GALNT13: variants seen among roughly 807,000 people sequenced by gnomAD.
The protein encoded by GALNT13 is polypeptide N-acetylgalactosaminyltransferase 13.
Under a neutral mutation model 64.2 loss-of-function variants are expected in GALNT13, and 28 were observed. The ratio of observed to expected loss-of-function variants is 0.44; its 90% CI spans 0.32 to 0.60. The LOEUF (loss-of-function observed/expected upper bound fraction) is 0.60, where lower values mean the gene tolerates loss of function less well. GALNT13 is among the 20% of genes least tolerant of loss of function. The probability of loss-of-function intolerance (pLI) is 0.05; values close to 1 mark genes in which losing one functional copy is unlikely to be tolerated. For missense variants in GALNT13, 577 were observed against 669.8 expected (o/e 0.86, Z 1.53); for synonymous variants, 214 against 224.6 (o/e 0.95, Z 0.42).
rs1401550811 is a variant in GALNT13, at chr2:154,414,216, T to G, written c.1395+5134T>G. On this transcript the variant is annotated intron_variant, in intron 11 of 12. Coordinates refer to ENST00000392825, the MANE Select transcript of GALNT13 (RefSeq NM_052917.4). ...ATACTAACAAATTGTTCTTTTTTCTTAAGATTTCAGCAAATAAGACTAATA... is the reference window on the plus strand; with the variant it reads ...ATACTAACAAATTGTTCTTTTTTCTGAAGATTTCAGCAAATAAGACTAATA... 2.0e-5 allele frequency among the ~76,000 whole-genome samples: 3 copies of G among 152,074 alleles called. No homozygotes were observed. The South Asian group carries it at 6.2e-4, about 31-fold the overall frequency.
chr2:154,310,940 T>C (rs930783524), intron 9 of GALNT13, among the ~76,000 whole-genome samples: 17 of 65,750 alleles, frequency 2.6e-4, no homozygotes, highest in Non-Finnish European at 4.2e-4. Context: ...TTATTATTAT[T>C]CATATATATT....
At chr2:153,674,744 A>G in the GALNT13 span, among the ~76,000 whole-genome samples, 1 of 152,226 alleles carries the variant, frequency 6.6e-6, no homozygotes, top group Non-Finnish European at 1.5e-5. Flanking sequence ...AAAAGAAACT[A>G]TCATGAGAGT....
intron 11 of GALNT13, among the ~76,000 whole-genome samples, chr2:154,426,976 G>C (rs1248745017): frequency 1.3e-5 from 2 of 152,042 alleles, no homozygotes. Flanking sequence ...TTGTTATTGA[G>C]TCCACAAGAT....
chr2:154,051,012 A>G (rs1356224254), intron 3 of GALNT13, among the ~76,000 whole-genome samples: 2 of 152,220 alleles, frequency 1.3e-5, no homozygotes, highest in African/African-American at 2.4e-5. Context: ...CTGAAATAGA[A>G]AGTCTTCTCG....
At chr2:154,393,194 G>T (rs184024687) in intron 9 of GALNT13, among the ~76,000 whole-genome samples, 2 of 152,296 alleles carry the variant, frequency 1.3e-5, no homozygotes, top group Admixed American at 1.3e-4. Context: ...GAACAAGTAA[G>T]ATTACATATC....
At chr2:153,411,749 G>A in the GALNT13 span, among the ~76,000 whole-genome samples, 1 of 152,212 alleles carries the variant, frequency 6.6e-6, no homozygotes, top group African/African-American at 2.4e-5. Flanking sequence ...CATTAACTCA[G>A]GTTCTGCATA....
At chr2:153,686,683 T>C in the GALNT13 span, among the ~76,000 whole-genome samples, 1 of 152,076 alleles carries the variant, frequency 6.6e-6, no homozygotes, top group Non-Finnish European at 1.5e-5. Context: ...CTATGTTGAA[T>C]AGGAGTGGTG....
At chr2:154,107,940 C>A (rs1243489554) in intron 3 of GALNT13, among the ~76,000 whole-genome samples, 1 of 152,046 alleles carries the variant, frequency 6.6e-6, no homozygotes, top group Non-Finnish European at 1.5e-5. Flanking sequence ...AAATTTATTT[C>A]CTTTTAAGCA....
the GALNT13 span, among the ~76,000 whole-genome samples, chr2:153,799,098 A>G: frequency 6.6e-6 from 1 of 152,186 alleles, no homozygotes; most frequent in Non-Finnish European, 1.5e-5. Flanking sequence ...ACAGGTGTCC[A>G]TATGAAGAAA....
the GALNT13 span, among the ~76,000 whole-genome samples, chr2:153,678,425 T>C: frequency 1.3e-5 from 2 of 152,080 alleles, no homozygotes; most frequent in East Asian, 1.9e-4. Context: ...ATTAATGTAA[T>C]AACAGAAAAC....
the GALNT13 span, among the ~76,000 whole-genome samples, chr2:153,233,394 CTCTA>C: frequency 2.6e-5 from 4 of 152,020 alleles, no homozygotes; most frequent in African/African-American, 4.8e-5. Flanking sequence ...CTGCCTAAAA[CTCTA>C]TCTATCTAGA....
At chr2:154,059,559 G>A (rs1700067628) in intron 3 of GALNT13, among the ~76,000 whole-genome samples, 1 of 152,108 alleles carries the variant, frequency 6.6e-6, no homozygotes, top group Non-Finnish European at 1.5e-5. Context: ...AATCTTTTGA[G>A]AAAATGTGTG....
chr2:154,368,778 T>C (rs536066494), intron 9 of GALNT13, among the ~76,000 whole-genome samples: 1 of 152,316 alleles, frequency 6.6e-6, no homozygotes, highest in East Asian at 1.9e-4. Flanking sequence ...TGTTGGCTAT[T>C]GTAATTATTA....
At chr2:154,253,458 T>C (rs1047321388) in intron 7 of GALNT13, among the ~76,000 whole-genome samples, 2 of 152,190 alleles carry the variant, frequency 1.3e-5, no homozygotes, top group Non-Finnish European at 1.5e-5. Context: ...TTTTGAGACT[T>C]TTACTATTTT....
chr2:153,701,389 A>G, the GALNT13 span, among the ~76,000 whole-genome samples: 1 of 152,158 alleles, frequency 6.6e-6, no homozygotes, highest in African/African-American at 2.4e-5. Flanking sequence ...AACCATAAAA[A>G]CCCTAGAAGA....
the GALNT13 span, among the ~76,000 whole-genome samples, chr2:153,589,862 G>C: frequency 1.3e-5 from 2 of 152,154 alleles, no homozygotes; most frequent in Admixed American, 1.3e-4. Context: ...AGATGAGCAA[G>C]ATGAGATTTG....
chr2:153,311,696 C>T, the GALNT13 span, among the ~76,000 whole-genome samples: 1 of 152,194 alleles, frequency 6.6e-6, no homozygotes, highest in Admixed American at 6.5e-5. Context: ...CTGCAGCTGG[C>T]TCCTCCCAAA....
chr2:153,142,435 C>T, the GALNT13 span, among the ~76,000 whole-genome samples: 6 of 152,078 alleles, frequency 3.9e-5, no homozygotes, highest in Non-Finnish European at 7.4e-5. Flanking sequence ...GAGAGCTTAC[C>T]TTGGAATGAT....
chr2:154,448,431 G>C (rs1221266329), intron 12 of GALNT13, among the ~76,000 whole-genome samples: 1 of 151,942 alleles, frequency 6.6e-6, no homozygotes, highest in African/African-American at 2.4e-5. Context: ...TTCTGACAAA[G>C]AACATGATTC....
Sources: allele counts gnomAD v4.1 joint callset (sites outside exome capture counted in the v4.1 genomes callset), GRCh38; gene constraint gnomAD v4.1.1; transcripts MANE v1.5; gene names NCBI Gene and HGNC (gene_info 2026-07-23, HGNC 2026-07-21).